PDGFD: variants seen among roughly 807,000 people sequenced by gnomAD.
The protein encoded by PDGFD is platelet-derived growth factor D.
Under a neutral mutation model 44.7 loss-of-function variants are expected in PDGFD, and 30 were observed. That is an observed-to-expected ratio of 0.67 (90% CI 0.50 to 0.91). The LOEUF is 0.91. Ranked by LOEUF, PDGFD falls within the 40% of genes least tolerant of loss-of-function variation. The probability of loss-of-function intolerance (pLI) is 0.00; values close to 1 mark genes in which losing one functional copy is unlikely to be tolerated. For missense variants in PDGFD, 445 were observed against 457.8 expected (o/e 0.97, Z 0.25); for synonymous variants, 173 against 168.4 (o/e 1.03, Z -0.21).
At chr11:104,110,586 T>C (rs1328434885) in intron 1 of PDGFD, among the ~76,000 whole-genome samples, 1 of 151,638 alleles carries the variant, frequency 6.6e-6, no homozygotes, top group African/African-American at 2.4e-5. Flanking sequence ...ACAAGAAACT[T>C]AGGAATGCTT....
chr11:104,076,581 T>C lies in PDGFD; in HGVS notation c.125-76326A>G, dbSNP rs149395168. 7.1e-4 allele frequency among the ~76,000 whole-genome samples: 108 copies of C among 152,302 alleles called. No individual in the cohort carries two copies. In the East Asian group the frequency reaches 0.015, roughly 21 times the overall value. ...ACTCAGCTTTCTGAACCTTGAATCA[T>C]ACCTGAATCTCCCAGGAAGCTTTGA... On this transcript the variant is annotated intron_variant, in intron 1 of 6. Transcript: ENST00000393158.
At chr11:103,953,002 G>A (rs962587940) in intron 3 of PDGFD, among the ~76,000 whole-genome samples, 3 of 152,130 alleles carry the variant, frequency 2.0e-5, no homozygotes, top group African/African-American at 7.2e-5. Context: ...AAGTTAGGGA[G>A]ATGTGTACAA....
At position 104,137,550 on chromosome 11, in the gene PDGFD, G is replaced by C. The variant is rs140035644; in HGVS notation, c.124+26254C>G. 7.2e-3 allele frequency among the ~76,000 whole-genome samples: 1,103 copies of C among 152,160 alleles called. 7 individuals carry two copies. Among genetic ancestry groups the C allele is most frequent in the African/African-American group, 0.024 (986 of 41,516 alleles). ...ATTTTACAGTGATCCAAAAAGTACT[G>C]AGTCTCTTTAGTATTCCATACTTTA... is the stretch of plus-strand genomic sequence containing the variant. On this transcript the variant is annotated intron_variant, in intron 1 of 6. Coordinates refer to ENST00000393158, the MANE Select transcript of PDGFD (RefSeq NM_025208.5).
At chr11:104,038,077 A>G in intron 1 of PDGFD, 1 of 1,466,324 alleles carries the variant, frequency 6.8e-7, no homozygotes, top group South Asian at 1.3e-5. Flanking sequence ...ATAAGTTAAG[A>G]GCTTACTGGC....
chr11:104,000,034 T>C lies in PDGFD; in HGVS notation c.329+17A>G. ...TCACCTTGAAATAGTACCGTAAAAA[T>C]TTTTTTCCCAACTTACCTACAGATA... is the stretch of plus-strand genomic sequence containing the variant. On this transcript the variant is annotated intron_variant, in intron 2 of 6. Coordinates refer to ENST00000393158, the MANE Select transcript of PDGFD (RefSeq NM_025208.5). 1 of 1,068,216 alleles carries C rather than the reference T, an allele frequency of 9.4e-7. No individual in the cohort carries two copies. The allele number at this position is 1,068,216 out of a possible 1,614,324, so 66.2% of individuals were successfully genotyped here.
chr11:104,163,247 A>G (rs763428348), intron 1 of PDGFD, among the ~76,000 whole-genome samples: 1 of 152,196 alleles, frequency 6.6e-6, no homozygotes, highest in Non-Finnish European at 1.5e-5. Context: ...TAGGGGACCT[A>G]AAGGGCAATA....
At chr11:103,975,616 T>C (rs943289809) in intron 3 of PDGFD, among the ~76,000 whole-genome samples, 5 of 152,106 alleles carry the variant, frequency 3.3e-5, no homozygotes, top group Non-Finnish European at 7.4e-5. Flanking sequence ...AGGTTTTAGG[T>C]TTTAGGTTTT....
intron 1 of PDGFD, among the ~76,000 whole-genome samples, chr11:104,109,103 TG>T (rs1356168714): frequency 6.6e-6 from 1 of 151,148 alleles, no homozygotes; most frequent in African/African-American, 2.4e-5. Context: ...CTAATGTAAA[TG>T]ATGAATTAAT....
At chr11:103,981,372 T>A (rs547306386) in intron 3 of PDGFD, among the ~76,000 whole-genome samples, 3 of 151,686 alleles carry the variant, frequency 2.0e-5, no homozygotes, top group South Asian at 4.1e-4. Flanking sequence ...ATTTCTTTTT[T>A]AAAAAAATTA....
intron 3 of PDGFD, among the ~76,000 whole-genome samples, chr11:103,961,482 A>G (rs1275718937): frequency 1.3e-5 from 2 of 152,102 alleles, no homozygotes; most frequent in Non-Finnish European, 2.9e-5. Flanking sequence ...TTTGATAGGG[A>G]AGCAGGCAGG....
chr11:103,964,252 A>G (rs1322736950), intron 3 of PDGFD, among the ~76,000 whole-genome samples: 1 of 152,118 alleles, frequency 6.6e-6, no homozygotes, highest in African/African-American at 2.4e-5. Flanking sequence ...CTGATTCTTC[A>G]GCCTGGATTT....
At chr11:104,016,134 C>G (rs998510222) in intron 1 of PDGFD, among the ~76,000 whole-genome samples, 2 of 152,062 alleles carry the variant, frequency 1.3e-5, no homozygotes, top group African/African-American at 4.8e-5. Context: ...TTACAGATGA[C>G]CAAACTAAAA....
In PDGFD at chr11:104,055,006, A is replaced by G. The variant is rs191299360; in HGVS notation, c.125-54751T>C. Among the ~76,000 whole-genome samples the G allele has an allele frequency of 7.7e-4, 117 of 152,360 alleles. 1 individual carries two copies. Among genetic ancestry groups the G allele is most frequent in the Admixed American group, 7.0e-3 (107 of 15,310 alleles). ...ACACATTATGCAAGTAGCATCTGGC[A>G]TACAGAAGTTTATTTATTTTAATGT... On this transcript the variant is annotated intron_variant, in intron 1 of 6. Transcript: ENST00000393158.
In PDGFD at chr11:104,061,003, C is replaced by T. The variant is rs1469140228; in HGVS notation, c.125-60748G>A. Among the ~76,000 whole-genome samples the T allele has an allele frequency of 2.6e-5, 4 of 152,122 alleles. No individual in the cohort carries two copies. The South Asian group carries it at 8.3e-4, about 32-fold the overall frequency. On this transcript the variant is annotated intron_variant, in intron 1 of 6. Transcript: ENST00000393158. ...CTACAACCACTAAGCAAAACCTCCC[C>T]ATTTCCTCCTTCCCACAGGCCCTGG... is the stretch of plus-strand genomic sequence containing the variant.
intron 3 of PDGFD, among the ~76,000 whole-genome samples, chr11:103,986,075 C>A (rs1859358746): frequency 6.6e-6 from 1 of 152,158 alleles, no homozygotes; most frequent in African/African-American, 2.4e-5. Context: ...AATTTGCTCT[C>A]AGGTGAAAGG....
rs368493942 is a variant in PDGFD, at chr11:103,909,840, C to G, written c.988-21G>C. 36 of 1,613,990 alleles carry G rather than the reference C, an allele frequency of 2.2e-5. No homozygotes were observed. In the African/African-American group the frequency reaches 4.3e-4, roughly 19 times the overall value. ...AATACCTAGGACAAGAAGCACATCT[C>G]CTGTTAGAAAGCCTTTGGAGTTCAA... On this transcript the variant is annotated intron_variant, in intron 6 of 6. Coordinates refer to ENST00000393158, the MANE Select transcript of PDGFD (RefSeq NM_025208.5).
chr11:104,008,180 T>C (rs1263445129), intron 1 of PDGFD, among the ~76,000 whole-genome samples: 1 of 152,186 alleles, frequency 6.6e-6, no homozygotes, highest in East Asian at 1.9e-4. Flanking sequence ...ATTAGGGGGC[T>C]GAATAATGTG....
At chr11:104,037,026 T>C in intron 1 of PDGFD, 4 of 1,614,230 alleles carry the variant, frequency 2.5e-6, no homozygotes, top group Non-Finnish European at 3.4e-6. Context: ...GCCTCAAAGA[T>C]GGCGATATCG....
chr11:104,012,453 T>C (rs1428947190), intron 1 of PDGFD, among the ~76,000 whole-genome samples: 1 of 152,236 alleles, frequency 6.6e-6, no homozygotes, highest in African/African-American at 2.4e-5. Flanking sequence ...GAATACTGTG[T>C]GCTTTTAATG....
Sources: allele counts gnomAD v4.1 joint callset (sites outside exome capture counted in the v4.1 genomes callset), GRCh38; gene constraint gnomAD v4.1.1; transcripts MANE v1.5; gene names NCBI Gene and HGNC (gene_info 2026-07-23, HGNC 2026-07-21).